USH2A: variants seen among roughly 807,000 people sequenced by gnomAD.
USH2A encodes usherin, also known as Usher syndrome 2A (autosomal recessive, mild).
Under a neutral mutation model 538.9 loss-of-function variants are expected in USH2A, and 443 were observed. The observed-to-expected ratio is 0.82, with a 90% CI of 0.76 to 0.89. The LOEUF (loss-of-function observed/expected upper bound fraction) is 0.89. Among genes scored for constraint, USH2A ranks in the 40% least tolerant of loss-of-function variants. USH2A has a pLI of 0.00. For missense variants in USH2A, 6,633 were observed against 6,324.8 expected, an observed-to-expected ratio of 1.05 and a Z score of -1.65; for synonymous variants, 2,413 against 2,273.5, an observed-to-expected ratio of 1.06 and a Z score of -1.75.
intron 35 of USH2A, among the ~76,000 whole-genome samples, chr1:215,977,878 C>A (rs1375614851): frequency 2.0e-5 from 3 of 152,168 alleles, no homozygotes; most frequent in Non-Finnish European, 4.4e-5. Flanking sequence ...ATAATCCCAG[C>A]ATTTTGAGAA....
intron 27 of USH2A, among the ~76,000 whole-genome samples, chr1:216,077,772 T>C (rs1484929291): frequency 6.7e-6 from 1 of 149,972 alleles, no homozygotes; most frequent in East Asian, 1.9e-4. Context: ...AATAGTAATT[T>C]ATATATATAA....
rs541965924 is a variant in USH2A, at chr1:216,329,821, T to C, written c.785-2167A>G. 3.9e-5 allele frequency among the ~76,000 whole-genome samples: 6 copies of C among 152,228 alleles called. No individual in the cohort carries two copies. The South Asian group carries it at 8.3e-4, about 21-fold the overall frequency. On this transcript the variant is annotated intron_variant, in intron 4 of 71. Coordinates refer to ENST00000307340, the MANE Select transcript of USH2A (RefSeq NM_206933.4). ...CTGGGAGAAGCCACCCAGTTTGCAGTACTTTTGCATGGCAGCCGTGGAAAA... is the reference window on the plus strand; with the variant it reads ...CTGGGAGAAGCCACCCAGTTTGCAGCACTTTTGCATGGCAGCCGTGGAAAA...
intron 51 of USH2A, among the ~76,000 whole-genome samples, chr1:215,788,836 C>T (rs1038112194): frequency 1.3e-5 from 2 of 151,926 alleles, no homozygotes; most frequent in African/African-American, 4.8e-5. Flanking sequence ...TATTTTTATA[C>T]ATTAAGCTTT....
rs534656527 is a variant in USH2A, at chr1:215,648,691, C to T, written c.14419G>A (p.Ala4807Thr). The T allele has an allele frequency of 5.5e-5, 88 of 1,614,170 alleles. No homozygotes were observed. Among genetic ancestry groups the T allele is most frequent in the South Asian group, 9.9e-5 (9 of 91,076 alleles). ...AFTNYSIGVE[A>T]CTCFNCCSKG... is the part of the protein sequence containing the mutation. ...CTGCAACAGTTGAAGCAGGTGCAGGCCTCTACTCCAATAGAGTAGTTAGTG... is the reference window on the plus strand; with the variant it reads ...CTGCAACAGTTGAAGCAGGTGCAGGTCTCTACTCCAATAGAGTAGTTAGTG... The change falls in exon 66 of 72, where the codon GCC becomes ACC. Residue 4807 changes from alanine (A) to threonine (T), a missense_variant. Physicochemically the swap from Ala to Thr is moderately conservative, Grantham distance 58. Transcript: ENST00000307340.
chr1:216,197,301 C>T (rs1381338219), intron 18 of USH2A, among the ~76,000 whole-genome samples: 2 of 152,156 alleles, frequency 1.3e-5, no homozygotes, highest in Admixed American at 1.3e-4. Context: ...GAGCTCTTTA[C>T]AGGGATTTTA....
At chr1:215,912,277 C>G (rs955080300) in intron 38 of USH2A, among the ~76,000 whole-genome samples, 3 of 151,810 alleles carry the variant, frequency 2.0e-5, no homozygotes, top group Non-Finnish European at 4.4e-5. Flanking sequence ...TTTGCCCAGA[C>G]CTATGTCCTA....
At chr1:216,345,265 A>G (rs2038152970) in intron 4 of USH2A, among the ~76,000 whole-genome samples, 1 of 152,042 alleles carries the variant, frequency 6.6e-6, no homozygotes, top group Non-Finnish European at 1.5e-5. Context: ...TGGATTAATG[A>G]TGACAGGGTC....
At chr1:215,786,922 C>T in intron 51 of USH2A, 48 bp from the exon 52 acceptor site, 1 of 1,576,254 alleles carries the variant, frequency 6.3e-7, no homozygotes, top group South Asian at 1.1e-5. Context: ...TTAAAAATTT[C>T]ATTTAGACAT....
intron 11 of USH2A, among the ~76,000 whole-genome samples, chr1:216,273,915 A>C (rs564500118): frequency 6.6e-6 from 1 of 152,150 alleles, no homozygotes; most frequent in Non-Finnish European, 1.5e-5. Flanking sequence ...TTTTGAATAT[A>C]CAAATCTATA....
chr1:215,921,051 T>C (rs372914880), intron 38 of USH2A, among the ~76,000 whole-genome samples: 170 of 152,224 alleles, frequency 1.1e-3, no homozygotes, highest in African/African-American at 3.6e-3. Flanking sequence ...ATTCTTTCTT[T>C]CATTAGTTTT....
intron 4 of USH2A, among the ~76,000 whole-genome samples, chr1:216,354,310 C>G (rs1438003058): frequency 1.3e-5 from 2 of 152,050 alleles, no homozygotes; most frequent in Non-Finnish European, 2.9e-5. Flanking sequence ...TTCTTTTACG[C>G]AAAGTGTTTA....
At chr1:215,971,150 A>G (rs1667486456) in intron 35 of USH2A, among the ~76,000 whole-genome samples, 1 of 152,188 alleles carries the variant, frequency 6.6e-6, no homozygotes, top group African/African-American at 2.4e-5. Context: ...CCAGAAGTAA[A>G]TCGACCTTAT....
intron 21 of USH2A, among the ~76,000 whole-genome samples, chr1:216,145,549 A>G (rs1267417145): frequency 6.6e-6 from 1 of 152,240 alleles, no homozygotes; most frequent in Non-Finnish European, 1.5e-5. Flanking sequence ...AAACAGCAGT[A>G]TAACAGTTCA....
intron 21 of USH2A, among the ~76,000 whole-genome samples, chr1:216,167,803 T>C (rs1469671064): frequency 6.6e-6 from 1 of 152,154 alleles, no homozygotes; most frequent in East Asian, 1.9e-4. Flanking sequence ...ATGCCTTATG[T>C]CCCCTCAATC....
At chr1:216,054,789 GT>G (rs967823594) in intron 30 of USH2A, among the ~76,000 whole-genome samples, 2 of 152,082 alleles carry the variant, frequency 1.3e-5, no homozygotes, top group African/African-American at 4.8e-5. Context: ...TACAGCAATG[GT>G]AAACACCTTG....
At chr1:215,686,606 A>C (rs1363702194) in intron 61 of USH2A, among the ~76,000 whole-genome samples, 1 of 152,112 alleles carries the variant, frequency 6.6e-6, no homozygotes, top group Non-Finnish European at 1.5e-5. Context: ...ATTAGGCAAA[A>C]AATTTAAGAC....
At chr1:216,018,471 C>G (rs897907701) in intron 32 of USH2A, among the ~76,000 whole-genome samples, 3 of 152,148 alleles carry the variant, frequency 2.0e-5, no homozygotes, top group African/African-American at 7.2e-5. Context: ...GCCTGGGGAC[C>G]CTTGCAAGCA....
chr1:215,917,174 T>G (rs577190303), intron 38 of USH2A, among the ~76,000 whole-genome samples: 2 of 152,064 alleles, frequency 1.3e-5, no homozygotes, highest in South Asian at 4.1e-4. Context: ...ACCAACCAAA[T>G]TTTTTTCCTT....
At chr1:216,396,722 A>C (rs2039219759) in intron 3 of USH2A, among the ~76,000 whole-genome samples, 1 of 152,196 alleles carries the variant, frequency 6.6e-6, no homozygotes, top group Non-Finnish European at 1.5e-5. Flanking sequence ...ATTCACACAA[A>C]AAAAATCAGA....
Sources: allele counts gnomAD v4.1 joint callset (sites outside exome capture counted in the v4.1 genomes callset), GRCh38; gene constraint gnomAD v4.1.1; transcripts MANE v1.5; gene names NCBI Gene and HGNC (gene_info 2026-07-23, HGNC 2026-07-21).